The following SYNE1 variants were observed in gnomAD, a reference collection of about 807,000 sequenced individuals.
SYNE1 encodes the protein spectrin repeat containing nuclear envelope protein 1, also known as nesprin-1.
In SYNE1, 616 loss-of-function variants were observed where a neutral mutation model predicts 1,111.0. The ratio of observed to expected loss-of-function variants is 0.55; its 90% confidence interval spans 0.52 to 0.59. The LOEUF is 0.59. SYNE1 is among the 20% of genes least tolerant of loss of function. The probability of loss-of-function intolerance (pLI) is 0.00; values close to 1 mark genes in which losing one functional copy is unlikely to be tolerated. For missense variants in SYNE1, 10,006 were observed against 10,417.0 expected (o/e 0.96, Z 1.72); for synonymous variants, 3,855 against 3,825.8 (o/e 1.01, Z -0.28).
chr6:152,175,631 T>C (rs1440935968), intron 130 of SYNE1, among the ~76,000 whole-genome samples: 1 of 152,228 alleles, frequency 6.6e-6, no homozygotes, highest in Admixed American at 6.5e-5. Flanking sequence ...GTGAATACAA[T>C]GGAGAAAGTT....
intron 95 of SYNE1, among the ~76,000 whole-genome samples, chr6:152,286,763 TC>T (rs2094351588): frequency 6.6e-6 from 1 of 152,248 alleles, no homozygotes; most frequent in Non-Finnish European, 1.5e-5. Flanking sequence ...GGCATGGTTT[TC>T]CCTTAACGGG....
intron 8 of SYNE1, among the ~76,000 whole-genome samples, chr6:152,507,909 CA>C (rs888913638): frequency 2.0e-5 from 3 of 152,096 alleles, no homozygotes; most frequent in African/African-American, 7.2e-5. Flanking sequence ...ATTTATTTCT[CA>C]AATATTTTTA....
At chr6:152,516,191 T>G (rs2099110843) in intron 6 of SYNE1, among the ~76,000 whole-genome samples, 1 of 152,168 alleles carries the variant, frequency 6.6e-6, no homozygotes, top group Admixed American at 6.5e-5. Context: ...GATACAGAAG[T>G]GCAAGAGAGT....
chr6:152,348,623 T>C (rs1296333109), intron 72 of SYNE1, among the ~76,000 whole-genome samples: 2 of 151,940 alleles, frequency 1.3e-5, no homozygotes, highest in African/African-American at 4.8e-5. Context: ...AGGCAGAGGT[T>C]ACAGTGAGCT....
intron 9 of SYNE1, among the ~76,000 whole-genome samples, chr6:152,503,084 T>C (rs1427328758): frequency 1.3e-5 from 2 of 152,176 alleles, no homozygotes; most frequent in African/African-American, 4.8e-5. Context: ...ACTAGTTCTA[T>C]TCATACTAGT....
In SYNE1 at chr6:152,155,027, C is replaced by G; in HGVS notation, c.23994G>C (p.Trp7998Cys). The G allele has an allele frequency of 6.2e-7, 1 of 1,614,120 alleles. No homozygotes were observed. ...CATCCAGAAATTTCTGCCACAATCG[C>G]CACGTCTCTTCGATTCTGGGGCGGA... ...MERRLKIEET[W>C]RLWQKFLDDY... is the part of the protein sequence containing the mutation. Residue 7998 changes from tryptophan to cysteine, a missense_variant, in exon 133 of 146, where the codon TGG becomes TGC. By Grantham distance (215) the Trp-to-Cys change is radical. Transcript: ENST00000367255.
chr6:152,454,698 A>G (rs2098682049), intron 24 of SYNE1, among the ~76,000 whole-genome samples: 1 of 152,226 alleles, frequency 6.6e-6, no homozygotes, highest in East Asian at 1.9e-4. Flanking sequence ...AACAAGAAGT[A>G]CCATACTGTA....
At position 152,330,783 on chromosome 6, in the gene SYNE1, A is replaced by T; in HGVS notation, c.13902T>A (p.Asn4634Lys). Residue 4634 changes from asparagine (N) to lysine (K), a missense_variant, in exon 78 of 146, where the codon AAT becomes AAA. Physicochemically the swap from Asn to Lys is moderately conservative, Grantham distance 94. Transcript: ENST00000367255. ...CACTGAGGTAGGAATGATCGACTTC[A>T]TTCAGCGATGGTAATATGGTCTGCC... ...RTGQTILPSL[N>K]EVDHSYLSEK... The T allele has an allele frequency of 6.2e-7, 1 of 1,613,966 alleles. No individual in the cohort carries two copies. Among genetic ancestry groups the T allele is most frequent in the South Asian group, 1.1e-5 (1 of 91,086 alleles).
intron 78 of SYNE1, 35 bp from the exon 79 acceptor site, chr6:152,326,668 C>A (rs777783798): frequency 6.3e-7 from 1 of 1,588,360 alleles, no homozygotes; most frequent in South Asian, 1.1e-5. Flanking sequence ...AATCAACTCT[C>A]CTTTGCAATG....
chr6:152,524,594 C>T (rs1028335056), intron 5 of SYNE1, among the ~76,000 whole-genome samples: 1 of 151,888 alleles, frequency 6.6e-6, no homozygotes, highest in African/African-American at 2.4e-5. Flanking sequence ...TTCCAAATTG[C>T]CTGTTCATAT....
chr6:152,337,587 C>A (rs1017289698), intron 75 of SYNE1, among the ~76,000 whole-genome samples: 2 of 152,190 alleles, frequency 1.3e-5, no homozygotes, highest in Non-Finnish European at 2.9e-5. Flanking sequence ...CTGCGCCCAG[C>A]GAAACTCTAA....
chr6:152,237,031 G>T, intron 108 of SYNE1, 83 bp from the exon 109 acceptor site: 1 of 1,545,324 alleles, frequency 6.5e-7, no homozygotes, highest in South Asian at 1.2e-5. Context: ...ATACGTGCCT[G>T]ACAGTCTCTC....
Position 152,544,059 on chromosome 6 carries a change from C to T in SYNE1, c.68-4038G>A, listed in dbSNP as rs144249409. Among the ~76,000 whole-genome samples the T allele has an allele frequency of 3.0e-3, 457 of 152,268 alleles. 2 individuals are homozygous for T. Among genetic ancestry groups the T allele is most frequent in the Non-Finnish European group, 5.2e-3 (352 of 68,006 alleles). On this transcript the variant is annotated intron_variant, in intron 3 of 145. Coordinates refer to ENST00000367255, the MANE Select transcript of SYNE1 (RefSeq NM_182961.4). Reference sequence around the variant, plus strand: ...AAGAAAACAGTTTAAATATATTTAACAAGTAACAACTTTATTAACAATGTT... The same window carrying T: ...AAGAAAACAGTTTAAATATATTTAATAAGTAACAACTTTATTAACAATGTT...
intron 11 of SYNE1, among the ~76,000 whole-genome samples, chr6:152,490,699 C>T (rs952330052): frequency 6.6e-6 from 1 of 152,170 alleles, no homozygotes; most frequent in African/African-American, 2.4e-5. Context: ...CTTTATTGCT[C>T]ACACAAAGCC....
At chr6:152,336,699 G>A (rs367605420) in intron 76 of SYNE1, 142 bp downstream of exon 76, 2 of 1,104,438 alleles carry the variant, frequency 1.8e-6, no homozygotes, top group East Asian at 2.4e-5. Flanking sequence ...CTGGGGCTTG[G>A]GGACCTCTGC....
At chr6:152,382,434 CATTAA>C (rs1591576923) in intron 55 of SYNE1, among the ~76,000 whole-genome samples, 1 of 152,024 alleles carries the variant, frequency 6.6e-6, no homozygotes, top group Non-Finnish European at 1.5e-5. Context: ...GTTTGCATCT[CATTAA>C]ATTAACTTGA....
chr6:152,314,446 C>T (rs2095646204), intron 87 of SYNE1, among the ~76,000 whole-genome samples: 1 of 152,164 alleles, frequency 6.6e-6, no homozygotes, highest in Non-Finnish European at 1.5e-5. Flanking sequence ...AGCCTTTCTG[C>T]ACTTTCCTCT....
At chr6:152,455,303 C>A in intron 24 of SYNE1, 123 bp downstream of exon 24, 1 of 1,073,922 alleles carries the variant, frequency 9.3e-7, no homozygotes. Context: ...TAAAAAGTCT[C>A]TGCTTCCCTG....
At chr6:152,186,879 T>G (rs1438016377) in intron 128 of SYNE1, among the ~76,000 whole-genome samples, 2 of 152,136 alleles carry the variant, frequency 1.3e-5, no homozygotes, top group African/African-American at 4.8e-5. Flanking sequence ...TAACTGAAGG[T>G]TGCTGTGATA....
Sources: allele counts gnomAD v4.1 joint callset (sites outside exome capture counted in the v4.1 genomes callset), GRCh38; gene constraint gnomAD v4.1.1; transcripts MANE v1.5; gene names NCBI Gene and HGNC (gene_info 2026-07-23, HGNC 2026-07-21).